The following TMEM40 variants were observed in gnomAD, a reference collection of about 807,000 sequenced individuals.
TMEM40 encodes transmembrane protein 40.
In TMEM40, 34 loss-of-function variants were observed where a neutral mutation model predicts 40.8. The ratio of observed to expected loss-of-function variants is 0.83; its 90% CI spans 0.63 to 1.11. TMEM40 has a LOEUF of 1.11. Ranked by LOEUF, TMEM40 falls within the 50% of genes least tolerant of loss-of-function variation. The pLI is 0.00. For synonymous variants in TMEM40, 106 were observed against 107.0 expected, an observed-to-expected ratio of 0.99 and a Z score of 0.06; for missense variants, 296 against 280.2, an observed-to-expected ratio of 1.06 and a Z score of -0.40.
At chr3:12,751,853 G>C (rs1278274983) in intron 1 of TMEM40, among the ~76,000 whole-genome samples, 1 of 152,150 alleles carries the variant, frequency 6.6e-6, no homozygotes, top group African/African-American at 2.4e-5. Flanking sequence ...GCTGATGTCA[G>C]ATAGACCGAA....
chr3:12,738,937 G>A (rs904948798), intron 5 of TMEM40: 5 of 272,276 alleles, frequency 1.8e-5, no homozygotes, highest in Non-Finnish European at 3.7e-5. Context: ...GGCGGATCAC[G>A]AGGTCAAGAG....
intron 11 of TMEM40, 132 bp from the exon 12 acceptor site, chr3:12,734,925 A>G (rs1323724859): frequency 1.0e-6 from 1 of 976,400 alleles, no homozygotes; most frequent in Non-Finnish European, 1.6e-6. Context: ...ATGGGTCTCA[A>G]TGAACCACAG....
At chr3:12,748,869 G>A (rs1272117051) in intron 2 of TMEM40, 77 bp from the exon 3 acceptor site, 1 of 1,335,772 alleles carries the variant, frequency 7.5e-7, no homozygotes, top group Admixed American at 2.0e-5. Flanking sequence ...CCTCTCCAGG[G>A]TTCTACTTGG....
intron 5 of TMEM40, 43 bp from the exon 6 acceptor site, chr3:12,738,631 TG>T (rs35030157): frequency 1.9e-5 from 31 of 1,593,954 alleles, no homozygotes; most frequent in South Asian, 7.7e-5. Flanking sequence ...CATGATCCTC[TG>T]GGGGGGGAGA....
chr3:12,738,289 C>A, intron 6 of TMEM40, 121 bp from the exon 7 acceptor site: 1 of 1,175,236 alleles, frequency 8.5e-7, no homozygotes, highest in African/African-American at 1.5e-5. Flanking sequence ...CTGCAGCCCC[C>A]ACGGTATCCT....
At position 12,738,079 on chromosome 3, in the gene TMEM40, C is replaced by G; in HGVS notation, c.424+57G>C. On this transcript the variant is annotated intron_variant, in intron 7 of 11. Coordinates refer to ENST00000314124, the MANE Select transcript of TMEM40 (RefSeq NM_018306.4). The stretch of plus-strand genomic sequence containing the variant: ...CCTCTCAGGCTGTCTGAGGACCCAA[C>G]CCATCGTCTGGAATCCACACCCGCT... 2.5e-6 allele frequency: 4 copies of G among 1,606,656 alleles called. No homozygotes were observed. The South Asian group carries it at 4.4e-5, about 18-fold the overall frequency.
At chr3:12,763,796 T>C (rs1020653705), upstream of TMEM40, among the ~76,000 whole-genome samples, 5 of 152,192 alleles carry the variant, frequency 3.3e-5, no homozygotes, top group Admixed American at 2.0e-4. Flanking sequence ...TTCAGGCTGA[T>C]TGGAACTCCC....
chr3:12,766,317 C>T (rs901449020), intron 1 of TMEM40, among the ~76,000 whole-genome samples: 2 of 151,608 alleles, frequency 1.3e-5, no homozygotes, highest in East Asian at 2.0e-4. Flanking sequence ...TATACAGGGC[C>T]GGGCACGGTG....
chr3:12,737,181 C>CT lies in TMEM40; in HGVS notation c.473-347dup, dbSNP rs1355255127. ...AGCTGTGAGCCACCATGCCTGGCCT[C>CT]TTTTTTTTTTTTTTTTTAATTACAA... On this transcript the variant is annotated intron_variant, in intron 8 of 11. Coordinates refer to ENST00000314124, the MANE Select transcript of TMEM40 (RefSeq NM_018306.4). Among the ~76,000 whole-genome samples the CT allele has an allele frequency of 5.5e-3, 763 of 139,840 alleles. 1 individual carries two copies. The highest frequency in any genetic ancestry group is 0.011 in the African/African-American group (436 of 38,330). 91.7% of individuals were successfully genotyped at this position (139,840 alleles called of 152,430 possible). A position where few individuals can be genotyped will look rare whatever the true frequency, so the allele number is the denominator to read the frequency against.
At chr3:12,750,858 C>T (rs2061470199) in intron 1 of TMEM40, among the ~76,000 whole-genome samples, 1 of 152,328 alleles carries the variant, frequency 6.6e-6, no homozygotes. Flanking sequence ...TAGCACTTTC[C>T]TGTTCAGCTA....
intron 1 of TMEM40, chr3:12,769,200 C>T (rs1454272718): frequency 8.5e-6 from 3 of 351,184 alleles, no homozygotes; most frequent in African/African-American, 2.2e-5. Flanking sequence ...GTAGCCGGCC[C>T]TCAAGTGCTG....
intron 1 of TMEM40, among the ~76,000 whole-genome samples, chr3:12,758,818 G>A (rs1354721889): frequency 6.6e-6 from 1 of 152,190 alleles, no homozygotes; most frequent in Admixed American, 6.5e-5. Flanking sequence ...CCATAACAGT[G>A]AGGGTGTGAG....
intron 1 of TMEM40, among the ~76,000 whole-genome samples, chr3:12,755,263 C>CTTTCTTTCTTTCTTTT (rs2061517834): frequency 1.9e-5 from 2 of 104,282 alleles, no homozygotes; most frequent in African/African-American, 9.7e-5. Context: ...TTCTTTCTTT[C>CTTTCTTTCTTTCTTTT]TTTCTTTCTT....
chr3:12,764,805 T>TTTAAAGTTAAAATTAACTTAAAGTTAAAC (rs2061586719), intron 1 of TMEM40, among the ~76,000 whole-genome samples: 5 of 152,202 alleles, frequency 3.3e-5, no homozygotes, highest in Admixed American at 6.5e-5. Flanking sequence ...TAAAGTTAAA[T>TTTAAAGTTAAAATTAACTTAAAGTTAAAC]TTAAAGTTAA....
chr3:12,748,529 T>C (rs1027430381), intron 3 of TMEM40, 126 bp downstream of exon 3: 1 of 1,346,092 alleles, frequency 7.4e-7, no homozygotes, highest in African/African-American at 1.5e-5. Context: ...AGATCGGCTC[T>C]AGAAGAGAAT....
chr3:12,760,722 G>A (rs777486963), upstream of TMEM40, among the ~76,000 whole-genome samples: 1 of 151,660 alleles, frequency 6.6e-6, no homozygotes, highest in Non-Finnish European at 1.5e-5. Context: ...CTAGGATCAT[G>A]TCTGACAGTA....
chr3:12,744,030 G>C, intron 3 of TMEM40, 41 bp from the exon 4 acceptor site: 1 of 1,587,926 alleles, frequency 6.3e-7, no homozygotes. Flanking sequence ...AGCTCAGCCT[G>C]GAACAAGCTG....
In TMEM40 at chr3:12,734,447, G is replaced by C. The variant is rs2061323695; in HGVS notation, c.*327C>G. ...CATGAACCCAGACAGATCACAGCTT[G>C]CAGAGCTCAGGGTCCCTTGCTGTCC... On this transcript the variant is annotated 3_prime_UTR_variant, in exon 12 of 12. Coordinates refer to ENST00000314124, the MANE Select transcript of TMEM40 (RefSeq NM_018306.4). 5.9e-6 allele frequency: 2 copies of C among 336,196 alleles called. No individual in the cohort carries two copies. Among genetic ancestry groups the C allele is most frequent in the Non-Finnish European group, 1.1e-5 (2 of 180,780 alleles). The allele number at this position is 336,196 out of a possible 1,614,324, so 20.8% of individuals were successfully genotyped here.
rs2061458956 is a variant in TMEM40 at position 12,749,787 on chromosome 3, C to G, written c.46G>C (p.Val16Leu). 9 of 1,614,060 alleles carry G rather than the reference C, an allele frequency of 5.6e-6. No homozygotes were observed. Among genetic ancestry groups the G allele is most frequent in the Non-Finnish European group, 7.6e-6 (9 of 1,180,014 alleles). The change falls in exon 2 of 12, where the codon GTC becomes CTC. Residue 16 changes from valine to leucine, a missense_variant. Physicochemically the swap from Val to Leu is conservative, Grantham distance 32. Coordinates refer to ENST00000314124, the MANE Select transcript of TMEM40 (RefSeq NM_018306.4). ...SSSQPQDNSQ[V>L]HRETEDVDYG... The stretch of plus-strand genomic sequence containing the variant: ...TCTACATCTTCTGTTTCTCTGTGGA[C>G]TTGACTGTTGTCCTGAGGCTGGGAG...
Sources: gnomAD v4.1 joint callset for allele counts (sites outside exome capture counted in the v4.1 genomes callset) on GRCh38, gnomAD v4.1.1 for gene constraint, MANE v1.5 for transcripts, NCBI Gene and HGNC (gene_info 2026-07-23, HGNC 2026-07-21) for gene names.